Variants in TOX observed in about 807,000 individuals in gnomAD.
TOX encodes the protein thymocyte selection-associated high mobility group box protein TOX.
TOX carries 11 observed loss-of-function variants against 53.7 expected under a neutral mutation model. The observed-to-expected ratio is 0.20, with a 90% CI of 0.13 to 0.34. TOX has a LOEUF of 0.34. TOX is among the 10% of genes least tolerant of loss of function. TOX has a pLI of 1.00. For missense variants in TOX, 570 were observed against 664.6 expected (o/e 0.86, Z 1.56); for synonymous variants, 225 against 245.3 (o/e 0.92, Z 0.77).
At chr8:59,044,288 G>A (rs974179622) in intron 1 of TOX, among the ~76,000 whole-genome samples, 1 of 149,970 alleles carries the variant, frequency 6.7e-6, no homozygotes, top group African/African-American at 2.5e-5. Flanking sequence ...CAACAGCTCT[G>A]CCAAAACTGT....
intron 1 of TOX, among the ~76,000 whole-genome samples, chr8:59,004,921 T>C (rs187136032): frequency 4.6e-5 from 7 of 152,362 alleles, no homozygotes; most frequent in Non-Finnish European, 1.5e-5. Context: ...CAATCCAACT[T>C]AGTAGTAGCC....
chr8:59,041,967 C>A (rs1803595540), intron 1 of TOX, among the ~76,000 whole-genome samples: 3 of 152,172 alleles, frequency 2.0e-5, no homozygotes, highest in Non-Finnish European at 4.4e-5. Context: ...TTAATGTGCC[C>A]ATAGAATTCC....
intron 3 of TOX, among the ~76,000 whole-genome samples, chr8:58,866,026 G>A (rs1811095669): frequency 6.6e-6 from 1 of 151,902 alleles, no homozygotes; most frequent in Non-Finnish European, 1.5e-5. Context: ...GTAGAGACAG[G>A]GTTTTACCAT....
chr8:58,898,552 A>C (rs1228646343), intron 3 of TOX, among the ~76,000 whole-genome samples: 1 of 152,186 alleles, frequency 6.6e-6, no homozygotes, highest in Non-Finnish European at 1.5e-5. Context: ...AAGCTTCAGG[A>C]ACTATAAGCA....
At chr8:59,068,544 A>G (rs1563436167) in intron 1 of TOX, among the ~76,000 whole-genome samples, 3 of 152,210 alleles carry the variant, frequency 2.0e-5, no homozygotes. Context: ...GGAAAGTAAA[A>G]AGAAAACTAA....
chr8:58,858,062 G>C (rs2129168843), intron 3 of TOX, among the ~76,000 whole-genome samples: 1 of 152,270 alleles, frequency 6.6e-6, no homozygotes, highest in Non-Finnish European at 1.5e-5. Flanking sequence ...GAGCCACTGT[G>C]ACTGGCTCCT....
At position 58,808,894 on chromosome 8, in the gene TOX, G is replaced by A. The variant is rs555813900; in HGVS notation, c.1393-625C>T. On this transcript the variant is annotated intron_variant, in intron 7 of 8. Coordinates refer to ENST00000361421, the MANE Select transcript of TOX (RefSeq NM_014729.3). ...ACGACTTGCCATTGGAAAACACGGG[G>A]AGGGAAAAGTGTACGACAGAGCAAA... Among the ~76,000 whole-genome samples, 21 of 152,338 alleles carry A rather than the reference G, an allele frequency of 1.4e-4. No individual in the cohort carries two copies. In the South Asian group the frequency reaches 4.1e-3, roughly 30 times the overall value.
intron 2 of TOX, among the ~76,000 whole-genome samples, chr8:58,944,440 C>T (rs1459124255): frequency 6.6e-6 from 1 of 152,186 alleles, no homozygotes; most frequent in Admixed American, 6.5e-5. Flanking sequence ...GGTAATCGCA[C>T]ATTTAGCTTA....
intron 3 of TOX, among the ~76,000 whole-genome samples, chr8:58,865,218 T>A (rs1164719677): frequency 1.3e-5 from 2 of 151,992 alleles, no homozygotes; most frequent in Admixed American, 1.3e-4. Context: ...CACAGGAGAG[T>A]AATGAATACA....
At chr8:59,082,584 G>C (rs1181914463) in intron 1 of TOX, among the ~76,000 whole-genome samples, 1 of 152,160 alleles carries the variant, frequency 6.6e-6, no homozygotes, top group Non-Finnish European at 1.5e-5. Flanking sequence ...TGGGCATAAT[G>C]CTGGTTGATG....
chr8:59,062,340 A>C lies in TOX; in HGVS notation c.102+56546T>G, dbSNP rs920882380. On this transcript the variant is annotated intron_variant, in intron 1 of 8. Transcript: ENST00000361421. ...ACAATCCTGCCAGGTACACAGCGGAAGAACATGTCCAAATGAATCCGCTTT... is the reference window on the plus strand; with the variant it reads ...ACAATCCTGCCAGGTACACAGCGGACGAACATGTCCAAATGAATCCGCTTT... 2.6e-5 allele frequency among the ~76,000 whole-genome samples: 4 copies of C among 152,254 alleles called. No homozygotes were observed. The East Asian group carries it at 7.7e-4, about 29-fold the overall frequency.
intron 3 of TOX, among the ~76,000 whole-genome samples, chr8:58,863,522 G>A (rs748874706): frequency 5.4e-4 from 82 of 152,216 alleles, no homozygotes; most frequent in Admixed American, 1.4e-3. Context: ...TTCAGTAAGT[G>A]GGTCAGCTGC....
chr8:58,823,021 G>A (rs1414080482), intron 6 of TOX, among the ~76,000 whole-genome samples: 6 of 152,138 alleles, frequency 3.9e-5, no homozygotes, highest in African/African-American at 1.2e-4. Context: ...CTCTGTAGAC[G>A]GATGCCATGT....
intron 1 of TOX, among the ~76,000 whole-genome samples, chr8:59,086,294 C>G (rs1804508116): frequency 6.6e-6 from 1 of 152,064 alleles, no homozygotes; most frequent in African/African-American, 2.4e-5. Context: ...CTAAAGCCCA[C>G]AGAATATTAA....
chr8:59,008,302 T>C (rs1813830083), intron 1 of TOX, among the ~76,000 whole-genome samples: 1 of 152,246 alleles, frequency 6.6e-6, no homozygotes, highest in South Asian at 2.1e-4. Flanking sequence ...TTGAAGAAAT[T>C]GTACAGCTTT....
chr8:59,036,144 G>A (rs1814454534), intron 1 of TOX, among the ~76,000 whole-genome samples: 1 of 152,190 alleles, frequency 6.6e-6, no homozygotes, highest in South Asian at 2.1e-4. Context: ...TTAGGTAGTG[G>A]GTAGGGGATA....
intron 1 of TOX, among the ~76,000 whole-genome samples, chr8:58,986,820 G>A (rs955913100): frequency 6.6e-6 from 1 of 152,140 alleles, no homozygotes; most frequent in African/African-American, 2.4e-5. Context: ...GCTGACTTGA[G>A]TACAGAGACA....
At chr8:59,064,457 T>C (rs1046598001) in intron 1 of TOX, among the ~76,000 whole-genome samples, 6 of 152,268 alleles carry the variant, frequency 3.9e-5, no homozygotes, top group Non-Finnish European at 7.3e-5. Context: ...AAAACTGCTA[T>C]ATAACTTGCA....
intron 1 of TOX, among the ~76,000 whole-genome samples, chr8:59,042,857 T>C (rs1803616275): frequency 6.6e-6 from 1 of 152,208 alleles, no homozygotes; most frequent in South Asian, 2.1e-4. Flanking sequence ...ATTTATGGGG[T>C]ACAATGTGAT....
Sources: allele counts gnomAD v4.1 joint callset (sites outside exome capture counted in the v4.1 genomes callset), GRCh38; gene constraint gnomAD v4.1.1; transcripts MANE v1.5; gene names NCBI Gene and HGNC (gene_info 2026-07-23, HGNC 2026-07-21).